The following CNOT4 variants were observed in gnomAD, a reference collection of about 807,000 sequenced individuals.
CNOT4 encodes the protein CCR4-NOT transcription complex subunit 4, also known as CCR4-associated factor 4.
CNOT4 carries 8 observed loss-of-function variants against 73.8 expected under a neutral mutation model. The observed-to-expected ratio is 0.11, with a 90% CI of 0.06 to 0.20. CNOT4 has a LOEUF of 0.20. Ranked by LOEUF, CNOT4 falls within the 10% of genes least tolerant of loss-of-function variation. The probability of loss-of-function intolerance (pLI) is 1.00; values close to 1 mark genes in which losing one functional copy is unlikely to be tolerated. For missense variants in CNOT4, 564 were observed against 883.4 expected (o/e 0.64, Z 4.58); for synonymous variants, 293 against 321.1 (o/e 0.91, Z 0.94).
chr7:135,491,418 C>T (rs1490706053), intron 1 of CNOT4, among the ~76,000 whole-genome samples: 1 of 152,088 alleles, frequency 6.6e-6, no homozygotes, highest in Non-Finnish European at 1.5e-5. Context: ...TTGAGGAAAA[C>T]CAAGTAAATG....
At position 135,473,728 on chromosome 7, in the gene CNOT4, T is replaced by C. The variant is rs181621983; in HGVS notation, c.-92-35305A>G. Among the ~76,000 whole-genome samples the C allele has an allele frequency of 6.3e-4, 96 of 152,100 alleles. 1 individual carries two copies. Among genetic ancestry groups the C allele is most frequent in the African/African-American group, 2.3e-3 (95 of 41,526 alleles). On this transcript the variant is annotated intron_variant, in intron 1 of 11. Transcript: ENST00000541284. ...TGCCACTGCACTCCAGCCTGGGTAA[T>C]TGAGCAAGAGAGTCTTAAGAGGGAG...
At chr7:135,468,871 T>C (rs993461174) in intron 1 of CNOT4, among the ~76,000 whole-genome samples, 5 of 152,114 alleles carry the variant, frequency 3.3e-5, no homozygotes, top group Non-Finnish European at 7.4e-5. Context: ...TTTTAATATT[T>C]ACCTTCCATC....
chr7:135,472,054 C>A (rs1479790128), intron 1 of CNOT4, among the ~76,000 whole-genome samples: 2 of 151,750 alleles, frequency 1.3e-5, no homozygotes, highest in African/African-American at 4.8e-5. Flanking sequence ...GTGCCTGTAG[C>A]CCCAGCTACT....
In CNOT4 at chr7:135,446,028, T is replaced by C. The variant is rs1314750957; in HGVS notation, c.-92-7605A>G. The stretch of plus-strand genomic sequence containing the variant: ...ACCTGAGTAGCTGGAACCACAGGTG[T>C]GCACCACCACACCCAGCTAATTTTT... On this transcript the variant is annotated intron_variant, in intron 1 of 11. Coordinates refer to ENST00000541284, the MANE Select transcript of CNOT4 (RefSeq NM_001190850.2). Among the ~76,000 whole-genome samples the C allele has an allele frequency of 2.0e-5, 3 of 152,104 alleles. No individual in the cohort carries two copies. The East Asian group carries it at 5.8e-4, about 29-fold the overall frequency.
chr7:135,417,918 A>G (rs1026490116), intron 3 of CNOT4, among the ~76,000 whole-genome samples: 1 of 152,200 alleles, frequency 6.6e-6, no homozygotes, highest in Non-Finnish European at 1.5e-5. Context: ...CTCCCTCCCA[A>G]GGTGGAATGC....
chr7:135,463,544 C>CAAAA (rs34696755), intron 1 of CNOT4, among the ~76,000 whole-genome samples: 1 of 103,786 alleles, frequency 9.6e-6, no homozygotes, highest in African/African-American at 3.4e-5. Flanking sequence ...TCCCCCCACC[C>CAAAA]AAAAAAAAAA....
chr7:135,415,206 G>C lies in CNOT4; in HGVS notation c.429C>G (p.Ile143Met). The change falls in exon 4 of 12, where the codon ATC becomes ATG. Residue 143 changes from isoleucine to methionine, a missense_variant. Physicochemically the swap from Ile to Met is conservative, Grantham distance 10. Around this residue, in one of 10 missense-constraint regions of CNOT4, gnomAD observed 76 missense variants for 208.7 expected, o/e 0.36. Coordinates refer to ENST00000541284, the MANE Select transcript of CNOT4 (RefSeq NM_001190850.2). The part of the protein sequence containing the change: ...GKFGKIHKVV[I>M]NNSTSYAGSQ... ...AGCCTGCATATGATGTGCTATTATT[G>C]ATGACAACTTTATGTATTTTACCAA... The C allele has an allele frequency of 6.2e-7, 1 of 1,604,660 alleles. No homozygotes were observed. The highest frequency in any genetic ancestry group is 8.5e-7 in the Non-Finnish European group (1 of 1,171,866).
chr7:135,385,418 T>A (rs1290484611), intron 10 of CNOT4, among the ~76,000 whole-genome samples: 1 of 152,212 alleles, frequency 6.6e-6, no homozygotes, highest in East Asian at 1.9e-4. Context: ...GGAGTACCTA[T>A]GGACCTGTGC....
At chr7:135,463,621 C>T (rs1585683684) in intron 1 of CNOT4, among the ~76,000 whole-genome samples, 1 of 150,276 alleles carries the variant, frequency 6.7e-6, no homozygotes, top group African/African-American at 2.4e-5. Flanking sequence ...ATGTAGGAAC[C>T]GGCAAAGATT....
In CNOT4 at chr7:135,405,799, T is replaced by C. The variant is rs564376878; in HGVS notation, c.821+4716A>G. On this transcript the variant is annotated intron_variant, in intron 7 of 11. Coordinates refer to ENST00000541284, the MANE Select transcript of CNOT4 (RefSeq NM_001190850.2). Reference sequence around the variant, plus strand: ...AGGGTTCAGTGAGGATTAATAGCTATGGTAATCTTAAGATTTGTACTCTGG... The same window carrying C: ...AGGGTTCAGTGAGGATTAATAGCTACGGTAATCTTAAGATTTGTACTCTGG... Among the ~76,000 whole-genome samples, 24 of 152,322 alleles carry C rather than the reference T, an allele frequency of 1.6e-4. No homozygotes were observed. In the East Asian group the frequency reaches 3.7e-3, roughly 23 times the overall value.
At chr7:135,493,179 G>A (rs1213531878) in intron 1 of CNOT4, among the ~76,000 whole-genome samples, 1 of 152,124 alleles carries the variant, frequency 6.6e-6, no homozygotes, top group African/African-American at 2.4e-5. Context: ...GAAAATGGTT[G>A]GTTGGTTGGT....
intron 1 of CNOT4, among the ~76,000 whole-genome samples, chr7:135,472,455 C>T (rs1197210154): frequency 3.1e-4 from 34 of 110,852 alleles, no homozygotes; most frequent in Admixed American, 3.4e-4. Context: ...CCAGCCCGGG[C>T]GACAGAGCGA....
At chr7:135,434,809 A>G (rs1367526393) in intron 2 of CNOT4, among the ~76,000 whole-genome samples, 1 of 152,118 alleles carries the variant, frequency 6.6e-6, no homozygotes, top group Non-Finnish European at 1.5e-5. Context: ...TGATCTTCTC[A>G]AATGTCTATT....
chr7:135,482,961 G>A (rs949759518), intron 1 of CNOT4, among the ~76,000 whole-genome samples: 4 of 145,292 alleles, frequency 2.8e-5, no homozygotes, highest in Non-Finnish European at 4.5e-5. Flanking sequence ...ACTTCAGCCT[G>A]GGCAACTAGA....
In CNOT4 at chr7:135,477,893, CCAATATATATTTTATGT is replaced by C. The variant is rs534476311; in HGVS notation, c.-93+31979_-93+31995del. ...AGACACATAATCCTTATATTTTATG[CCAATATATATTTTATGT>C]TGATATATGAATACACTATATGTAC... On this transcript the variant is annotated intron_variant, in intron 1 of 11. Transcript: ENST00000541284. 2.1e-3 allele frequency among the ~76,000 whole-genome samples: 325 copies of C among 152,020 alleles called. 1 individual carries two copies. Among genetic ancestry groups the C allele is most frequent in the African/African-American group, 7.0e-3 (292 of 41,472 alleles).
intron 1 of CNOT4, among the ~76,000 whole-genome samples, chr7:135,497,846 T>C (rs1450565427): frequency 6.6e-6 from 1 of 152,242 alleles, no homozygotes; most frequent in African/African-American, 2.4e-5. Flanking sequence ...TGTGGTCAAG[T>C]GATTACTGAA....
At chr7:135,387,721 T>C (rs1796192240) in intron 10 of CNOT4, 1 of 984,002 alleles carries the variant, frequency 1.0e-6, no homozygotes, top group Non-Finnish European at 1.2e-6. Flanking sequence ...TTTCTTTTCC[T>C]TTATTATCAG....
intron 1 of CNOT4, among the ~76,000 whole-genome samples, chr7:135,485,163 C>A (rs181396498): frequency 1.9e-4 from 29 of 152,274 alleles, no homozygotes; most frequent in Non-Finnish European, 2.9e-5. Context: ...ACCTCTGCCT[C>A]CCGGATTCAA....
Position 135,453,728 on chromosome 7 carries a change from T to A in CNOT4, c.-92-15305A>T, listed in dbSNP as rs866912017. Reference sequence around the variant, plus strand: ...GTATGAGTATTTTCCTGGAATTGTTTTATATATATATGTTATATTATATAT... The same window carrying A: ...GTATGAGTATTTTCCTGGAATTGTTATATATATATATGTTATATTATATAT... On this transcript the variant is annotated intron_variant, in intron 1 of 11. Coordinates refer to ENST00000541284, the MANE Select transcript of CNOT4 (RefSeq NM_001190850.2). 2.7e-5 allele frequency among the ~76,000 whole-genome samples: 4 copies of A among 146,264 alleles called. No individual in the cohort carries two copies. The South Asian group carries it at 6.4e-4, about 23-fold the overall frequency.
Sources: gnomAD v4.1 joint callset for allele counts (sites outside exome capture counted in the v4.1 genomes callset) on GRCh38, gnomAD v4.1.1 for gene constraint, gnomAD v4.1.1 regional missense constraint, MANE v1.5 for transcripts, NCBI Gene and HGNC (gene_info 2026-07-23, HGNC 2026-07-21) for gene names.